The following PPP1R9A variants were observed in gnomAD, a reference collection of about 807,000 sequenced individuals.
PPP1R9A encodes neurabin-1.
Under a neutral mutation model 141.9 loss-of-function variants are expected in PPP1R9A, and 59 were observed. The observed-to-expected ratio is 0.42, with a 90% confidence interval of 0.34 to 0.52. PPP1R9A has a LOEUF of 0.52. Ranked by LOEUF, PPP1R9A falls within the 20% of genes least tolerant of loss-of-function variation. PPP1R9A has a pLI of 0.10. For synonymous variants in PPP1R9A, 500 were observed against 569.7 expected, an observed-to-expected ratio of 0.88 and a Z score of 1.74; for missense variants, 1,444 against 1,611.9, an observed-to-expected ratio of 0.90 and a Z score of 1.78.
intron 5 of PPP1R9A, among the ~76,000 whole-genome samples, chr7:95,166,702 C>T (rs1831320082): frequency 6.6e-6 from 1 of 152,126 alleles, no homozygotes; most frequent in South Asian, 2.1e-4. Flanking sequence ...GAGATAAGGA[C>T]AGAACCAAAA....
At chr7:95,250,720 C>T (rs1166034899) in intron 10 of PPP1R9A, among the ~76,000 whole-genome samples, 2 of 152,170 alleles carry the variant, frequency 1.3e-5, no homozygotes, top group African/African-American at 4.8e-5. Flanking sequence ...CACATATCGA[C>T]TAGCAAGGCC....
chr7:95,146,865 T>C (rs1419674251), intron 4 of PPP1R9A, among the ~76,000 whole-genome samples: 1 of 152,208 alleles, frequency 6.6e-6, no homozygotes. Flanking sequence ...TATATCTGTT[T>C]TGGTACCAGT....
intron 2 of PPP1R9A, among the ~76,000 whole-genome samples, chr7:95,075,298 T>C (rs567148448): frequency 3.9e-5 from 6 of 152,290 alleles, no homozygotes; most frequent in Admixed American, 3.9e-4. Context: ...TCCTAGATCC[T>C]CTTGTAATTT....
chr7:95,286,445 A>G, intron 18 of PPP1R9A, 120 bp downstream of exon 18: 6 of 1,428,618 alleles, frequency 4.2e-6, no homozygotes, highest in South Asian at 1.4e-5. Context: ...ACTGTGGTTT[A>G]TGTTTAATTT....
chr7:95,247,170 G>T (rs987771665), intron 8 of PPP1R9A, among the ~76,000 whole-genome samples: 2 of 152,138 alleles, frequency 1.3e-5, no homozygotes, highest in East Asian at 3.9e-4. Context: ...ACAGTTCCTT[G>T]ACGCTCAAAT....
chr7:95,006,126 A>G (rs1054334907), intron 2 of PPP1R9A, among the ~76,000 whole-genome samples: 1 of 152,060 alleles, frequency 6.6e-6, no homozygotes, highest in African/African-American at 2.4e-5. Context: ...ATCTTTCCAC[A>G]AAATCTGAAT....
intron 4 of PPP1R9A, among the ~76,000 whole-genome samples, chr7:95,136,149 C>CTATTT (rs1825629252): frequency 6.6e-6 from 1 of 151,992 alleles, no homozygotes; most frequent in South Asian, 2.1e-4. Flanking sequence ...CCATAGCATT[C>CTATTT]TATTTTATTT....
chr7:94,911,372 A>G lies in PPP1R9A; in HGVS notation c.1259A>G (p.Glu420Gly). The change falls in exon 2 of 20, where the codon GAG becomes GGG. Residue 420 changes from glutamate to glycine, a missense_variant. This residue lies in a region of PPP1R9A where 490 missense variants were observed against 521.1 expected (regional missense o/e 0.94). Transcript: ENST00000433360. ...TCAGACTGGGGAGAGACAGGCACTG[A>G]GCAGGATGAGGAGGAAGATAGTGAT... is the stretch of plus-strand genomic sequence containing the variant. ...YNSDWGETGT[E>G]QDEEEDSDEN... The G allele has an allele frequency of 6.2e-7, 1 of 1,614,130 alleles. No homozygotes were observed. The highest frequency in any genetic ancestry group is 8.5e-7 in the Non-Finnish European group (1 of 1,179,994).
At chr7:95,092,542 G>A (rs1466980606) in intron 2 of PPP1R9A, among the ~76,000 whole-genome samples, 1 of 152,060 alleles carries the variant, frequency 6.6e-6, no homozygotes, top group Admixed American at 6.6e-5. Flanking sequence ...TTGAATGAAT[G>A]AATGAAGTAC....
intron 4 of PPP1R9A, among the ~76,000 whole-genome samples, chr7:95,144,158 C>T (rs1249637507): frequency 6.6e-6 from 1 of 152,120 alleles, no homozygotes; most frequent in African/African-American, 2.4e-5. Flanking sequence ...ATTTGCCCCA[C>T]TCCCCCCAGT....
intron 2 of PPP1R9A, among the ~76,000 whole-genome samples, chr7:95,078,904 G>A (rs1273712739): frequency 2.0e-5 from 3 of 151,904 alleles, no homozygotes; most frequent in African/African-American, 7.3e-5. Context: ...GAGTAGGTTT[G>A]CGAAAATTTT....
chr7:95,027,600 G>A (rs762110785), intron 2 of PPP1R9A, among the ~76,000 whole-genome samples: 7 of 152,178 alleles, frequency 4.6e-5, no homozygotes, highest in Non-Finnish European at 8.8e-5. Flanking sequence ...ACGGGGATAC[G>A]TTCTGAGAGA....
At chr7:95,209,414 T>C (rs1403094307) in intron 7 of PPP1R9A, among the ~76,000 whole-genome samples, 1 of 152,156 alleles carries the variant, frequency 6.6e-6, no homozygotes, top group African/African-American at 2.4e-5. Flanking sequence ...GGGTGTCACC[T>C]GCGGGTGTTT....
intron 2 of PPP1R9A, among the ~76,000 whole-genome samples, chr7:95,060,339 G>A (rs1032388113): frequency 6.6e-6 from 1 of 152,190 alleles, no homozygotes; most frequent in African/African-American, 2.4e-5. Context: ...TAGCAAGGGG[G>A]TGGGGCAGAT....
intron 2 of PPP1R9A, among the ~76,000 whole-genome samples, chr7:95,030,928 G>A (rs1296556830): frequency 9.9e-5 from 15 of 152,148 alleles, no homozygotes; most frequent in African/African-American, 3.4e-4. Context: ...CTGGGGTTTC[G>A]CTCTTTAGTT....
intron 2 of PPP1R9A, among the ~76,000 whole-genome samples, chr7:95,094,160 G>A (rs1817711636): frequency 6.6e-6 from 1 of 152,180 alleles, no homozygotes; most frequent in Admixed American, 6.5e-5. Flanking sequence ...GATAGGATGA[G>A]TGAAAGGAAG....
intron 8 of PPP1R9A, among the ~76,000 whole-genome samples, chr7:95,238,016 A>T (rs1001510127): frequency 1.3e-5 from 2 of 152,054 alleles, no homozygotes; most frequent in Non-Finnish European, 2.9e-5. Flanking sequence ...TATTACCTTG[A>T]CTTATTTTGA....
At chr7:95,134,328 G>A (rs1243195158) in intron 4 of PPP1R9A, among the ~76,000 whole-genome samples, 12 of 152,018 alleles carry the variant, frequency 7.9e-5, no homozygotes, top group Admixed American at 7.9e-4. Flanking sequence ...GTGGGTGGGG[G>A]TCAAGGGGAG....
chr7:94,987,829 T>G (rs1392874848), intron 2 of PPP1R9A, among the ~76,000 whole-genome samples: 3 of 152,140 alleles, frequency 2.0e-5, no homozygotes, highest in Non-Finnish European at 1.5e-5. Context: ...TCTCAATTCC[T>G]CCTTATCTTA....
Sources: gnomAD v4.1 joint callset for allele counts (sites outside exome capture counted in the v4.1 genomes callset) on GRCh38, gnomAD v4.1.1 for gene constraint, gnomAD v4.1.1 regional missense constraint, MANE v1.5 for transcripts, NCBI Gene and HGNC (gene_info 2026-07-23, HGNC 2026-07-21) for gene names.